RNF168: variants seen among roughly 807,000 people sequenced by gnomAD.
RNF168 encodes E3 ubiquitin-protein ligase RNF168.
A neutral mutation model predicts 34.9 loss-of-function variants in RNF168; 34 were observed. The ratio of observed to expected loss-of-function variants is 0.97; its 90% CI spans 0.74 to 1.30. The LOEUF (loss-of-function observed/expected upper bound fraction) is 1.30. Ranked by LOEUF, RNF168 falls within the 50% of genes most tolerant of loss-of-function variation. RNF168 has a pLI of 0.00. For synonymous variants in RNF168, 264 were observed against 254.7 expected (o/e 1.04, Z -0.35); for missense variants, 725 against 682.5 (o/e 1.06, Z -0.69).
At chr3:196,486,759 T>C (rs375414758) in intron 3 of RNF168, among the ~76,000 whole-genome samples, 1 of 152,264 alleles carries the variant, frequency 6.6e-6, no homozygotes, top group African/African-American at 2.4e-5. Flanking sequence ...CTTCACTGAA[T>C]AGCTTTCCTA....
intron 1 of RNF168, among the ~76,000 whole-genome samples, chr3:196,493,681 A>T (rs1732650739): frequency 6.6e-6 from 1 of 151,930 alleles, no homozygotes; most frequent in Non-Finnish European, 1.5e-5. Flanking sequence ...ATGTCCCACC[A>T]CGCCCAGCTA....
At position 196,470,267 on chromosome 3, in the gene RNF168, C is replaced by G. The variant is rs1731966756; in HGVS notation, c.*1552G>C. ...TCATCTGGACCAGTTTCTGACCACC[C>G]AATCAGTTTCAATGATCCAGACTGT... On this transcript the variant is annotated 3_prime_UTR_variant, in exon 6 of 6. Transcript: ENST00000318037. 1 of 152,198 alleles carries G rather than the reference C, an allele frequency of 6.6e-6. No homozygotes were observed. Among genetic ancestry groups the G allele is most frequent in the Admixed American group, 6.6e-5 (1 of 15,202 alleles). 9.4% of individuals were successfully genotyped at this position (152,198 alleles called of 1,614,324 possible). A position where few individuals can be genotyped will look rare whatever the true frequency, so the allele number is the denominator to read the frequency against.
At chr3:196,502,115 C>T (rs1245669579) in intron 1 of RNF168, among the ~76,000 whole-genome samples, 1 of 142,242 alleles carries the variant, frequency 7.0e-6, no homozygotes, top group Non-Finnish European at 1.5e-5. Flanking sequence ...ACACCATATC[C>T]TAAGCCCAGA....
At chr3:196,485,748 G>A (rs1020166904) in intron 3 of RNF168, among the ~76,000 whole-genome samples, 2 of 151,598 alleles carry the variant, frequency 1.3e-5, no homozygotes, top group South Asian at 2.1e-4. Context: ...TCCCAATTCT[G>A]CGTATACTCA....
At position 196,471,681 on chromosome 3, in the gene RNF168, C is replaced by T; in HGVS notation, c.*138G>A. On this transcript the variant is annotated 3_prime_UTR_variant, in exon 6 of 6. Transcript: ENST00000318037. ...AGCTCATGTGTCTATGCAGTCCTTA[C>T]AATCACACAGACCTTCATTAAGGAC... The T allele has an allele frequency of 2.8e-6, 2 of 718,792 alleles. No homozygotes were observed. The highest frequency in any genetic ancestry group is 1.7e-5 in the African/African-American group (1 of 57,590). 44.5% of individuals were successfully genotyped at this position (718,792 alleles called of 1,614,324 possible).
chr3:196,487,298 A>C, intron 3 of RNF168, 101 bp downstream of exon 3: 1 of 1,049,442 alleles, frequency 9.5e-7, no homozygotes, highest in Non-Finnish European at 1.5e-6. Flanking sequence ...TGTGGGATGC[A>C]GAACCTGGAA....
In RNF168 at chr3:196,503,087, G is replaced by A. The variant is rs964855810; in HGVS notation, c.87C>T (p.Leu29=). Residue 29 remains leucine, a synonymous_variant, in exon 1 of 6, where the codon CTC becomes CTT. Transcript: ENST00000318037. The part of the protein sequence containing the change: ...CMEILVEPVT[L]PCNHTLCKPC... Reference sequence around the variant, plus strand: ...GTTTACACAGCGTGTGGTTACACGGGAGGGTGACGGGCTCCACGAGGATTT... The same window carrying A: ...GTTTACACAGCGTGTGGTTACACGGAAGGGTGACGGGCTCCACGAGGATTT... 1 of 1,614,168 alleles carries A rather than the reference G, an allele frequency of 6.2e-7. No individual in the cohort carries two copies. Among genetic ancestry groups the A allele is most frequent in the Non-Finnish European group, 8.5e-7 (1 of 1,180,020 alleles).
At chr3:196,492,129 C>T (rs1000488677) in intron 1 of RNF168, among the ~76,000 whole-genome samples, 4 of 152,084 alleles carry the variant, frequency 2.6e-5, no homozygotes, top group Admixed American at 1.3e-4. Flanking sequence ...GTTAACATGG[C>T]GGATTTTATG....
At chr3:196,486,356 T>C (rs1732424085) in intron 3 of RNF168, among the ~76,000 whole-genome samples, 1 of 151,248 alleles carries the variant, frequency 6.6e-6, no homozygotes, top group Admixed American at 6.6e-5. Context: ...AAAAAAAGCT[T>C]TTTTTTTTGA....
chr3:196,502,204 C>T (rs1229165071), intron 1 of RNF168, among the ~76,000 whole-genome samples: 3 of 149,950 alleles, frequency 2.0e-5, no homozygotes, highest in African/African-American at 7.3e-5. Flanking sequence ...CTGAGTCTAC[C>T]GGGTGCAGGG....
At chr3:196,488,126 G>A (rs73219638) in intron 2 of RNF168, among the ~76,000 whole-genome samples, 9,938 of 152,166 alleles carry the variant, frequency 0.065, 398 homozygotes, top group Middle Eastern at 0.2. Context: ...TCACATAAGA[G>A]CATTAATTAT....
In RNF168 at chr3:196,503,162, G is replaced by A; in HGVS notation, c.12C>T (p.Pro4=). 1 of 1,613,916 alleles carries A rather than the reference G, an allele frequency of 6.2e-7. No homozygotes were observed. The highest frequency in any genetic ancestry group is 8.5e-7 in the Non-Finnish European group (1 of 1,179,862). MAL[P]KDAIPSLSEC... The stretch of plus-strand genomic sequence containing the variant: ...CGGACAGCGAGGGGATGGCGTCTTT[G>A]GGTAGAGCCATTTCAATATGTTAGT... The change falls in exon 1 of 6, where the codon CCC becomes CCT. Residue 4 remains proline (P), a synonymous_variant. Coordinates refer to ENST00000318037, the MANE Select transcript of RNF168 (RefSeq NM_152617.4).
chr3:196,473,202 G>A (rs1049220981), intron 5 of RNF168, among the ~76,000 whole-genome samples: 5 of 152,122 alleles, frequency 3.3e-5, no homozygotes, highest in African/African-American at 9.7e-5. Flanking sequence ...ACAAAGGTCT[G>A]CCAGCATAGG....
chr3:196,472,685 C>T lies in RNF168; in HGVS notation c.850G>A (p.Gly284Arg). ...GAATCTGCACCTTGTTCTCCAACTC[C>T]AAGGGATATCTGTGGAGAAAGTGTC... ...MPTLSPQISL[G>R]VGEQGADSSI... Residue 284 changes from glycine to arginine, a missense_variant, in exon 6 of 6, where the codon GGA (glycine) becomes AGA (arginine). Coordinates refer to ENST00000318037, the MANE Select transcript of RNF168 (RefSeq NM_152617.4). 3.1e-6 allele frequency: 5 copies of T among 1,606,728 alleles called. No individual in the cohort carries two copies. The highest frequency in any genetic ancestry group is 4.3e-6 in the Non-Finnish European group (5 of 1,173,768).
At chr3:196,495,957 T>A (rs1477829041) in intron 1 of RNF168, among the ~76,000 whole-genome samples, 1 of 152,214 alleles carries the variant, frequency 6.6e-6, no homozygotes, top group Non-Finnish European at 1.5e-5. Flanking sequence ...CTTCATTTTT[T>A]AAAGCTATCT....
chr3:196,482,907 T>C (rs538355302), intron 4 of RNF168, among the ~76,000 whole-genome samples: 17 of 152,178 alleles, frequency 1.1e-4, no homozygotes, highest in Non-Finnish European at 2.2e-4. Context: ...TTTTAAATCC[T>C]TAGTTTTTCT....
chr3:196,478,881 A>G (rs1342565448), intron 4 of RNF168, among the ~76,000 whole-genome samples: 1 of 150,312 alleles, frequency 6.7e-6, no homozygotes, highest in African/African-American at 2.4e-5. Context: ...GCCTGACCTC[A>G]GAAGTATTGT....
At chr3:196,482,323 C>A (rs1051667091) in intron 4 of RNF168, among the ~76,000 whole-genome samples, 4 of 152,074 alleles carry the variant, frequency 2.6e-5, no homozygotes, top group African/African-American at 9.7e-5. Context: ...AAATGGAATG[C>A]CACATTTTGT....
rs1191510160 is a variant in RNF168 at position 196,487,546 on chromosome 3, T to C, written c.411A>G (p.Glu137=). Residue 137 remains glutamate (E), a synonymous_variant, in exon 3 of 6, where the codon GAA becomes GAG. Coordinates refer to ENST00000318037, the MANE Select transcript of RNF168 (RefSeq NM_152617.4). ...TGTATTCTTCACTGGCTTTGTTTTC[T>C]TCTTCCTCGCTGGCCCGTCGCTCTG... ...VAAERRASEE[E]ENKASEEYIQ... 14 of 1,614,128 alleles carry C rather than the reference T, an allele frequency of 8.7e-6. No homozygotes were observed. In the East Asian group the frequency reaches 3.1e-4, roughly 36 times the overall value.
Sources: allele counts gnomAD v4.1 joint callset (sites outside exome capture counted in the v4.1 genomes callset), GRCh38; gene constraint gnomAD v4.1.1; transcripts MANE v1.5; gene names NCBI Gene and HGNC (gene_info 2026-07-23, HGNC 2026-07-21).